The following CCDC178 variants were observed in gnomAD, a reference collection of about 807,000 sequenced individuals.
The protein encoded by CCDC178 is coiled-coil domain containing 178.
In CCDC178, 126 loss-of-function variants were observed where a neutral mutation model predicts 117.4. The observed-to-expected ratio is 1.07, with a 90% CI of 0.93 to 1.24. CCDC178 has a LOEUF of 1.24. Ranked by LOEUF, CCDC178 falls within the 50% of genes most tolerant of loss-of-function variation. CCDC178 has a pLI of 0.00. For synonymous variants in CCDC178, 283 were observed against 313.4 expected (o/e 0.90, Z 1.02); for missense variants, 1,030 against 986.9 (o/e 1.04, Z -0.59).
chr18:32,989,177 T>A (rs2055336076), intron 21 of CCDC178, among the ~76,000 whole-genome samples: 1 of 152,190 alleles, frequency 6.6e-6, no homozygotes, highest in Non-Finnish European at 1.5e-5. Flanking sequence ...AAAAGTATAA[T>A]TTAATTCTAC....
intron 12 of CCDC178, among the ~76,000 whole-genome samples, chr18:33,271,047 T>C (rs1181630462): frequency 1.3e-5 from 2 of 151,510 alleles, no homozygotes; most frequent in African/African-American, 4.8e-5. Flanking sequence ...AAAATAATTT[T>C]TTTTGTAAAT....
At chr18:33,401,744 A>C (rs1313054097) in intron 3 of CCDC178, among the ~76,000 whole-genome samples, 1 of 152,100 alleles carries the variant, frequency 6.6e-6, no homozygotes, top group Non-Finnish European at 1.5e-5. Flanking sequence ...TCAAAGGTAG[A>C]TGGGCAATTA....
intron 21 of CCDC178, among the ~76,000 whole-genome samples, chr18:33,041,621 A>T (rs1484539496): frequency 6.6e-6 from 1 of 151,430 alleles, no homozygotes; most frequent in Non-Finnish European, 1.5e-5. Flanking sequence ...ATGCAAAAAT[A>T]CCCATTACTA....
intron 20 of CCDC178, among the ~76,000 whole-genome samples, chr18:33,169,446 C>A (rs2058571638): frequency 6.6e-6 from 1 of 152,080 alleles, no homozygotes; most frequent in Non-Finnish European, 1.5e-5. Flanking sequence ...CTTCTATAAC[C>A]AGGAGGCAAA....
intron 3 of CCDC178, among the ~76,000 whole-genome samples, chr18:33,403,991 A>G (rs2063745522): frequency 6.6e-6 from 1 of 151,942 alleles, no homozygotes; most frequent in African/African-American, 2.4e-5. Flanking sequence ...TTTGAAATAT[A>G]CCCAGAAGGT....
At chr18:33,194,946 CAGAGAGAG>C (rs149465796) in intron 20 of CCDC178, among the ~76,000 whole-genome samples, 5 of 106,216 alleles carry the variant, frequency 4.7e-5, no homozygotes, top group Non-Finnish European at 7.8e-5. Context: ...GAGAGAGAGA[CAGAGAGAG>C]AGAGAGAGAG....
intron 12 of CCDC178, among the ~76,000 whole-genome samples, chr18:33,287,621 A>C (rs2060115145): frequency 6.6e-6 from 1 of 152,060 alleles, no homozygotes; most frequent in East Asian, 1.9e-4. Flanking sequence ...TCTACCAAAA[A>C]TACAAAAAAT....
chr18:33,143,456 T>C (rs547352622), intron 20 of CCDC178, among the ~76,000 whole-genome samples: 6 of 152,306 alleles, frequency 3.9e-5, no homozygotes, highest in African/African-American at 1.4e-4. Flanking sequence ...CTGAATATCC[T>C]CTGCTGTATC....
intron 12 of CCDC178, among the ~76,000 whole-genome samples, chr18:33,274,464 G>C (rs1249554378): frequency 2.6e-5 from 4 of 151,806 alleles, no homozygotes; most frequent in African/African-American, 7.3e-5. Context: ...TTTAAGAGTG[G>C]CTTTATTCTT....
intron 6 of CCDC178, among the ~76,000 whole-genome samples, chr18:33,363,032 T>C (rs575921740): frequency 2.4e-4 from 36 of 151,744 alleles, no homozygotes; most frequent in African/African-American, 8.4e-4. Flanking sequence ...TAATGAGATA[T>C]TTTTAAAAAC....
At position 33,088,359 on chromosome 18, in the gene CCDC178, A is replaced by C. The variant is rs529368486; in HGVS notation, c.2388+4402T>G. Among the ~76,000 whole-genome samples the C allele has an allele frequency of 9.9e-4, 151 of 151,954 alleles. 1 individual carries two copies. The South Asian group carries it at 0.031, about 31-fold the overall frequency. On this transcript the variant is annotated intron_variant, in intron 21 of 22. Transcript: ENST00000383096. ...TTTTTATTGGGATTGTATTGACTCT[A>C]TATATCAAGTTGGAAATAATGGATA...
At chr18:33,435,468 A>T (rs923182218) in intron 2 of CCDC178, among the ~76,000 whole-genome samples, 8 of 152,012 alleles carry the variant, frequency 5.3e-5, no homozygotes, top group African/African-American at 1.9e-4. Context: ...AGTATTCAAT[A>T]TATATTATAT....
At chr18:33,321,724 A>T (rs1459180502) in intron 11 of CCDC178, among the ~76,000 whole-genome samples, 2 of 151,934 alleles carry the variant, frequency 1.3e-5, no homozygotes, top group Admixed American at 1.3e-4. Flanking sequence ...AAATACCAAT[A>T]ATCAACATGA....
chr18:33,357,226 C>T (rs748711316), intron 6 of CCDC178, among the ~76,000 whole-genome samples: 2 of 152,052 alleles, frequency 1.3e-5, no homozygotes, highest in Non-Finnish European at 2.9e-5. Flanking sequence ...ACCAAACCAC[C>T]TTGGGCACAT....
intron 11 of CCDC178, among the ~76,000 whole-genome samples, chr18:33,304,481 C>A (rs760686099): frequency 1.3e-5 from 2 of 152,204 alleles, no homozygotes; most frequent in Non-Finnish European, 2.9e-5. Context: ...GCAACCTAAT[C>A]ATAAAACGAT....
intron 5 of CCDC178, among the ~76,000 whole-genome samples, chr18:33,379,124 TA>T (rs1568187667): frequency 4.0e-3 from 26 of 6,442 alleles, no homozygotes; most frequent in Non-Finnish European, 0.022. Flanking sequence ...CATATATATA[TA>T]ATATATATAT....
intron 11 of CCDC178, among the ~76,000 whole-genome samples, chr18:33,314,404 C>A (rs1156649726): frequency 2.0e-5 from 3 of 151,912 alleles, no homozygotes; most frequent in Non-Finnish European, 2.9e-5. Flanking sequence ...ACCAGACAGA[C>A]CCTCAAAAGG....
At chr18:32,969,346 A>G (rs1243855930) in intron 22 of CCDC178, among the ~76,000 whole-genome samples, 1 of 151,988 alleles carries the variant, frequency 6.6e-6, no homozygotes, top group Non-Finnish European at 1.5e-5. Context: ...CTTCCCCTCA[A>G]TCACTGTAGT....
At chr18:33,352,507 G>C (rs957540459) in intron 7 of CCDC178, among the ~76,000 whole-genome samples, 1 of 151,876 alleles carries the variant, frequency 6.6e-6, no homozygotes, top group African/African-American at 2.4e-5. Flanking sequence ...ATAAAGTTAG[G>C]TTACTGGATT....
Sources: gnomAD v4.1 joint callset for allele counts (sites outside exome capture counted in the v4.1 genomes callset) on GRCh38, gnomAD v4.1.1 for gene constraint, MANE v1.5 for transcripts, NCBI Gene and HGNC (gene_info 2026-07-23, HGNC 2026-07-21) for gene names.